Variants in IL1R1 observed in about 807,000 individuals in gnomAD.
The protein encoded by IL1R1 is interleukin 1 receptor type 1.
Under a neutral mutation model 50.2 loss-of-function variants are expected in IL1R1, and 22 were observed. The ratio of observed to expected loss-of-function variants is 0.44; its 90% CI spans 0.31 to 0.63. The LOEUF is 0.63. Ranked by LOEUF, IL1R1 falls within the 20% of genes least tolerant of loss-of-function variation. The pLI is 0.07. For missense variants in IL1R1, 509 were observed against 676.2 expected, an observed-to-expected ratio of 0.75 and a Z score of 2.74; for synonymous variants, 251 against 236.7, an observed-to-expected ratio of 1.06 and a Z score of -0.55.
chr2:102,150,529 G>A (rs950482271), intron 1 of IL1R1, among the ~76,000 whole-genome samples: 1 of 152,234 alleles, frequency 6.6e-6, no homozygotes, highest in African/African-American at 2.4e-5. Context: ...AACTTTGTGT[G>A]TGTGTTGCAC....
chr2:102,083,730 G>A (rs187853713), intron 1 of IL1R1, among the ~76,000 whole-genome samples: 2 of 152,206 alleles, frequency 1.3e-5, no homozygotes, highest in African/African-American at 4.8e-5. Context: ...TGGATCACGA[G>A]GTCAGGAGTT....
At chr2:102,166,070 T>C (rs765824992) in intron 5 of IL1R1, 43 bp from the exon 6 acceptor site, 2 of 1,543,320 alleles carry the variant, frequency 1.3e-6, no homozygotes, top group Non-Finnish European at 8.9e-7. Flanking sequence ...TGGGGAAAGT[T>C]ATTGGTTATT....
At chr2:102,113,137 A>C (rs1680869746) in intron 1 of IL1R1, among the ~76,000 whole-genome samples, 2 of 152,270 alleles carry the variant, frequency 1.3e-5, no homozygotes, top group South Asian at 4.1e-4. Context: ...AGGCTAAGAC[A>C]CTGCGTTCAA....
intron 1 of IL1R1, among the ~76,000 whole-genome samples, chr2:102,105,281 A>AT (rs1680339288): frequency 6.6e-6 from 1 of 152,202 alleles, no homozygotes; most frequent in African/African-American, 2.4e-5. Context: ...ATTGAGACTT[A>AT]TTTTATCACT....
chr2:102,168,122 CT>C (rs894122676), intron 6 of IL1R1, among the ~76,000 whole-genome samples: 5 of 152,146 alleles, frequency 3.3e-5, no homozygotes, highest in Admixed American at 6.6e-5. Context: ...CTTCTTGATA[CT>C]TTTTTGCCTA....
At chr2:102,147,054 C>T (rs755761269) in intron 1 of IL1R1, among the ~76,000 whole-genome samples, 2 of 152,126 alleles carry the variant, frequency 1.3e-5, no homozygotes, top group African/African-American at 4.8e-5. Flanking sequence ...AATGCACTTC[C>T]GTTGCTTGCT....
At chr2:102,123,865 C>T (rs1339934224) in intron 1 of IL1R1, among the ~76,000 whole-genome samples, 1 of 151,962 alleles carries the variant, frequency 6.6e-6, no homozygotes, top group Non-Finnish European at 1.5e-5. Flanking sequence ...GCCTACAGTG[C>T]CTCATATGGG....
chr2:102,146,828 G>A (rs111253835), intron 1 of IL1R1, among the ~76,000 whole-genome samples: 3 of 152,218 alleles, frequency 2.0e-5, no homozygotes, highest in South Asian at 2.1e-4. Context: ...GTGTTGTTCC[G>A]GATGTCAAGC....
chr2:102,084,320 C>T (rs1311332206), intron 1 of IL1R1, among the ~76,000 whole-genome samples: 1 of 152,102 alleles, frequency 6.6e-6, no homozygotes, highest in Non-Finnish European at 1.5e-5. Flanking sequence ...AATAATGATT[C>T]TTTTATGGCC....
At chr2:102,152,460 G>T (rs533907558) in intron 1 of IL1R1, among the ~76,000 whole-genome samples, 2 of 119,476 alleles carry the variant, frequency 1.7e-5, no homozygotes, top group Non-Finnish European at 1.6e-5. Context: ...AGCCTAGATC[G>T]CACCACTGCA....
At chr2:102,083,908 C>T (rs1319947196) in intron 1 of IL1R1, among the ~76,000 whole-genome samples, 5 of 151,630 alleles carry the variant, frequency 3.3e-5, no homozygotes, top group African/African-American at 1.2e-4. Flanking sequence ...CACGCCACTG[C>T]ACTCCAGCTT....
At chr2:102,150,703 G>C (rs1285349803) in intron 1 of IL1R1, among the ~76,000 whole-genome samples, 4 of 152,166 alleles carry the variant, frequency 2.6e-5, no homozygotes, top group African/African-American at 9.7e-5. Flanking sequence ...AAGGCCTCCG[G>C]AAGTGGGGAT....
upstream of IL1R1, among the ~76,000 whole-genome samples, chr2:102,137,791 T>C (rs1232364230): frequency 6.6e-6 from 1 of 152,228 alleles, no homozygotes; most frequent in Non-Finnish European, 1.5e-5. Flanking sequence ...TGCAGTTATC[T>C]TTAGTTTACC....
At chr2:102,137,059 A>T (rs1339568358) in intron 1 of IL1R1, among the ~76,000 whole-genome samples, 1 of 152,176 alleles carries the variant, frequency 6.6e-6, no homozygotes, top group Non-Finnish European at 1.5e-5. Context: ...TGACCATCTC[A>T]TAGCTCTCAG....
intron 9 of IL1R1, among the ~76,000 whole-genome samples, chr2:102,173,319 A>C (rs761294323): frequency 6.6e-6 from 1 of 152,244 alleles, no homozygotes; most frequent in Non-Finnish European, 1.5e-5. Flanking sequence ...TTGGTATAAT[A>C]AAACATAATA....
chr2:102,118,206 A>G (rs1577886749), intron 1 of IL1R1, among the ~76,000 whole-genome samples: 1 of 152,234 alleles, frequency 6.6e-6, no homozygotes, highest in South Asian at 2.1e-4. Context: ...GTTAATGATC[A>G]GTGATGTTCA....
At chr2:102,130,949 G>T (rs528507547) in intron 1 of IL1R1, among the ~76,000 whole-genome samples, 3 of 152,182 alleles carry the variant, frequency 2.0e-5, no homozygotes, top group Non-Finnish European at 4.4e-5. Context: ...AAAGCCCTGT[G>T]ACTTCTCCTG....
intron 1 of IL1R1, among the ~76,000 whole-genome samples, chr2:102,109,227 A>T (rs1680605755): frequency 6.6e-6 from 1 of 152,118 alleles, no homozygotes; most frequent in Admixed American, 6.5e-5. Context: ...ACAATGTCTC[A>T]TGGTTTTAGG....
intron 1 of IL1R1, among the ~76,000 whole-genome samples, chr2:102,098,073 C>A (rs1279256025): frequency 6.6e-6 from 1 of 151,918 alleles, no homozygotes; most frequent in Middle Eastern, 3.4e-3. Context: ...AATCCATGAC[C>A]GTGTTACGAT....
Sources: gnomAD v4.1 joint callset for allele counts (sites outside exome capture counted in the v4.1 genomes callset) on GRCh38, gnomAD v4.1.1 for gene constraint, MANE v1.5 for transcripts, NCBI Gene and HGNC (gene_info 2026-07-23, HGNC 2026-07-21) for gene names.